OGDHL: variants seen among roughly 807,000 people sequenced by gnomAD.
OGDHL encodes the protein oxoglutarate dehydrogenase L.
A neutral mutation model predicts 109.6 loss-of-function variants in OGDHL; 79 were observed. That is an observed-to-expected ratio of 0.72 (90% CI 0.60 to 0.87). The LOEUF (loss-of-function observed/expected upper bound fraction) is 0.87. OGDHL is among the 40% of genes least tolerant of loss of function. The pLI is 0.00. For synonymous variants in OGDHL, 528 were observed against 537.2 expected, an observed-to-expected ratio of 0.98 and a Z score of 0.24; for missense variants, 1,275 against 1,362.2, an observed-to-expected ratio of 0.94 and a Z score of 1.01.
At chr10:49,752,862 C>G in intron 3 of OGDHL, 122 bp from the exon 4 acceptor site, 1 of 683,620 alleles carries the variant, frequency 1.5e-6, no homozygotes, top group Non-Finnish European at 2.5e-6. Context: ...CCCCATGTCT[C>G]TGCCCCGCGG....
At position 49,756,957 on chromosome 10, in the gene OGDHL, C is replaced by A; in HGVS notation, c.205-11G>T. On this transcript the variant is annotated splice_polypyrimidine_tract_variant and intron_variant, in intron 2 of 22. Coordinates refer to ENST00000374103, the MANE Select transcript of OGDHL (RefSeq NM_018245.3). ...GAAGCTGTCCCAGGACTAGGCAGGGCAGAAACAAGAACGCAGCCAGGTCAG... is the reference window on the plus strand; with the variant it reads ...GAAGCTGTCCCAGGACTAGGCAGGGAAGAAACAAGAACGCAGCCAGGTCAG... The A allele has an allele frequency of 6.2e-7, 1 of 1,608,448 alleles. No individual in the cohort carries two copies. Among genetic ancestry groups the A allele is most frequent in the East Asian group, 2.2e-5 (1 of 44,782 alleles).
Position 49,756,983 on chromosome 10 carries a change from G to C in OGDHL, c.205-37C>G, listed in dbSNP as rs1400127750. On this transcript the variant is annotated intron_variant, in intron 2 of 22. Transcript: ENST00000374103. ...AGAAACAAGAACGCAGCCAGGTCAG[G>C]GCCTGGGAAGAGTCAGGGGTGGCCC... 3.1e-6 allele frequency: 5 copies of C among 1,590,526 alleles called. No individual in the cohort carries two copies. The East Asian group carries it at 9.0e-5, about 29-fold the overall frequency.
At position 49,735,152 on chromosome 10, in the gene OGDHL, T is replaced by C; in HGVS notation, c.*76A>G. ...CACAGCCCCTCTCCTGGGCAGGAGCTCCGCCCCTCCCCTTTTCATCACCCC... is the reference window on the plus strand; with the variant it reads ...CACAGCCCCTCTCCTGGGCAGGAGCCCCGCCCCTCCCCTTTTCATCACCCC... On this transcript the variant is annotated 3_prime_UTR_variant, in exon 23 of 23. Coordinates refer to ENST00000374103, the MANE Select transcript of OGDHL (RefSeq NM_018245.3). 6.4e-7 allele frequency: 1 copy of C among 1,550,886 alleles called. No homozygotes were observed. Among genetic ancestry groups the C allele is most frequent in the Middle Eastern group, 1.8e-4 (1 of 5,686 alleles).
rs544461753 is a variant in OGDHL at position 49,760,314 on chromosome 10, A to G, written c.-1-1721T>C. ...ACGAGCCAGTGATGCCAAGCCCTAG[A>G]GCGCGGGGCACTTGGGGCCGGCTCC... On this transcript the variant is annotated intron_variant, in intron 1 of 22. Coordinates refer to ENST00000374103, the MANE Select transcript of OGDHL (RefSeq NM_018245.3). Among the ~76,000 whole-genome samples, 20 of 152,304 alleles carry G rather than the reference A, an allele frequency of 1.3e-4. No individual in the cohort carries two copies. In the South Asian group the frequency reaches 3.1e-3, roughly 24 times the overall value.
At chr10:49,752,275 C>G (rs562555846) in intron 4 of OGDHL, 27 bp from the exon 5 acceptor site, 3 of 1,583,992 alleles carry the variant, frequency 1.9e-6, no homozygotes, top group Admixed American at 1.7e-5. Flanking sequence ...GGCCGAGCCC[C>G]GGGCAGCAAA....
Position 49,758,481 on chromosome 10 carries a change from C to A in OGDHL, c.112G>T (p.Ala38Ser), listed in dbSNP as rs1843051712. The A allele has an allele frequency of 6.2e-7, 1 of 1,613,774 alleles. No individual in the cohort carries two copies. The highest frequency in any genetic ancestry group is 8.5e-7 in the Non-Finnish European group (1 of 1,180,042). ...GWRSRSSGPP[A>S]TFPSSKGGGG... ...CCACCTTTGCTGCTTGGGAAGGTGG[C>A]CGGTGGCCCGGAGGACCTGCTGCGC... The change falls in exon 2 of 23, where the codon GCC (alanine) becomes TCC (serine). Residue 38 changes from alanine (A) to serine (S), a missense_variant. Coordinates refer to ENST00000374103, the MANE Select transcript of OGDHL (RefSeq NM_018245.3).
Position 49,744,660 on chromosome 10 carries a change from G to T in OGDHL, c.1722C>A (p.Ser574=). ...ACACTGCTCGCTCACCAGGCCAGGG[G>T]GAGTCCAACCAGTGCTTTATATGCA... ...KILHIKHWLD[S]PWPGFFNVDG... The change falls in exon 13 of 23, where the codon TCC becomes TCA. Residue 574 remains serine (S), a synonymous_variant. Transcript: ENST00000374103. The T allele has an allele frequency of 6.2e-7, 1 of 1,613,938 alleles. No homozygotes were observed. The highest frequency in any genetic ancestry group is 8.5e-7 in the Non-Finnish European group (1 of 1,179,838).
chr10:49,758,669 C>T, intron 1 of OGDHL, 76 bp from the exon 2 acceptor site: 1 of 1,415,402 alleles, frequency 7.1e-7, no homozygotes, highest in Non-Finnish European at 9.8e-7. Context: ...CCACTGTCCG[C>T]TCATCAGCAC....
chr10:49,742,083 CAT>C lies in OGDHL; in HGVS notation c.2012+743_2012+744del, dbSNP rs796609255. On this transcript the variant is annotated intron_variant, in intron 15 of 22. Coordinates refer to ENST00000374103, the MANE Select transcript of OGDHL (RefSeq NM_018245.3). ...CACACTACACACCACACACCCCACA[CAT>C]ACCACACAAACACCCTCACACACAT... Among the ~76,000 whole-genome samples, 20 of 80,682 alleles carry C rather than the reference CAT, an allele frequency of 2.5e-4. No individual in the cohort carries two copies. The South Asian group carries it at 8.1e-3, about 33-fold the overall frequency. 52.9% of individuals were successfully genotyped at this position (80,682 alleles called of 152,430 possible).
chr10:49,758,977 G>GAGTACCACCAAGAAGGAGTGGGTCTC (rs1319570326), intron 1 of OGDHL, among the ~76,000 whole-genome samples: 1 of 152,060 alleles, frequency 6.6e-6, no homozygotes, highest in Admixed American at 6.6e-5. Context: ...CAGGTGCAGG[G>GAGTACCACCAAGAAGGAGTGGGTCTC]AGTACCACCA....
At chr10:49,737,575 C>A (rs1841292351) in intron 20 of OGDHL, among the ~76,000 whole-genome samples, 1 of 152,174 alleles carries the variant, frequency 6.6e-6, no homozygotes, top group Non-Finnish European at 1.5e-5. Flanking sequence ...GTGGACTCTA[C>A]CATGGACGCA....
intron 14 of OGDHL, 163 bp downstream of exon 14, chr10:49,743,831 A>T: frequency 1.3e-6 from 1 of 788,178 alleles, no homozygotes; most frequent in Non-Finnish European, 1.9e-6. Context: ...GAAAAGAGCT[A>T]CTGTCACGGG....
intron 12 of OGDHL, 44 bp from the exon 13 acceptor site, chr10:49,744,796 G>T: frequency 6.7e-7 from 1 of 1,494,568 alleles, no homozygotes; most frequent in Non-Finnish European, 9.3e-7. Context: ...AAAGCCCTGC[G>T]CAGCCAGACG....
At chr10:49,759,838 A>G (rs1335414893) in intron 1 of OGDHL, among the ~76,000 whole-genome samples, 1 of 152,084 alleles carries the variant, frequency 6.6e-6, no homozygotes, top group Non-Finnish European at 1.5e-5. Context: ...GGAGTCCCCT[A>G]CCCCTGGACA....
At chr10:49,759,831 GT>G (rs906059947) in intron 1 of OGDHL, among the ~76,000 whole-genome samples, 2 of 152,216 alleles carry the variant, frequency 1.3e-5, no homozygotes, top group African/African-American at 4.8e-5. Flanking sequence ...GGCGGGAGGA[GT>G]CCCCTACCCC....
chr10:49,755,328 C>A (rs138214311), intron 3 of OGDHL, among the ~76,000 whole-genome samples: 50 of 152,244 alleles, frequency 3.3e-4, no homozygotes, highest in African/African-American at 1.2e-3. Context: ...TGTTTAGATG[C>A]GATAATGGTA....
chr10:49,745,499 G>A lies in OGDHL; in HGVS notation c.1477-3C>T. ...TGGCCACGCCGGCGGTAACAGACCT[G>A]CAGGAGCAGCCAGAGGGGCTCAGGC... is the stretch of plus-strand genomic sequence containing the variant. On this transcript the variant is annotated splice_region_variant and splice_polypyrimidine_tract_variant and intron_variant, in intron 11 of 22. Coordinates refer to ENST00000374103, the MANE Select transcript of OGDHL (RefSeq NM_018245.3). The A allele has an allele frequency of 6.2e-7, 1 of 1,613,632 alleles. No individual in the cohort carries two copies. The highest frequency in any genetic ancestry group is 8.5e-7 in the Non-Finnish European group (1 of 1,180,032).
In OGDHL at chr10:49,745,794, C is replaced by A; in HGVS notation, c.1476+4G>T. ...CATGCCTTGGCCTCAGTCCCCAGACCCACCAGGTCCACGACAACATCTTTG... is the reference window on the plus strand; with the variant it reads ...CATGCCTTGGCCTCAGTCCCCAGACACACCAGGTCCACGACAACATCTTTG... On this transcript the variant is annotated splice_donor_region_variant and intron_variant, in intron 11 of 22. Transcript: ENST00000374103. 1 of 1,613,508 alleles carries A rather than the reference C, an allele frequency of 6.2e-7. No homozygotes were observed. The highest frequency in any genetic ancestry group is 8.5e-7 in the Non-Finnish European group (1 of 1,179,506).
At chr10:49,755,725 G>A (rs1842877257) in intron 3 of OGDHL, among the ~76,000 whole-genome samples, 1 of 152,152 alleles carries the variant, frequency 6.6e-6, no homozygotes, top group South Asian at 2.1e-4. Context: ...CTAATGCCTC[G>A]TCTTGGTTAA....
Sources: allele counts gnomAD v4.1 joint callset (sites outside exome capture counted in the v4.1 genomes callset), GRCh38; gene constraint gnomAD v4.1.1; transcripts MANE v1.5; gene names NCBI Gene and HGNC (gene_info 2026-07-23, HGNC 2026-07-21).